Variants in PTPRB observed in about 807,000 individuals in gnomAD.
PTPRB encodes the protein protein tyrosine phosphatase receptor type B.
A neutral mutation model predicts 238.1 loss-of-function variants in PTPRB; 97 were observed. That is an observed-to-expected ratio of 0.41 (90% CI 0.35 to 0.48). PTPRB has a LOEUF of 0.48. Ranked by LOEUF, PTPRB falls within the 20% of genes least tolerant of loss-of-function variation. PTPRB has a pLI of 0.30. For missense variants in PTPRB, 2,292 were observed against 2,681.9 expected (o/e 0.85, Z 3.21); for synonymous variants, 970 against 995.4 (o/e 0.97, Z 0.48).
intron 5 of PTPRB, 138 bp from the exon 6 acceptor site, chr12:70,594,862 GA>G: frequency 8.6e-7 from 1 of 1,157,656 alleles, no homozygotes; most frequent in Non-Finnish European, 1.2e-6. Context: ...TAAATAACAG[GA>G]TTCTGGAAAT....
chr12:70,537,646 A>G (rs1374598583), intron 28 of PTPRB, among the ~76,000 whole-genome samples: 1 of 152,220 alleles, frequency 6.6e-6, no homozygotes, highest in African/African-American at 2.4e-5. Flanking sequence ...AATGTGCCCA[A>G]GGTCACAGAA....
At chr12:70,526,951 C>T (rs867064953) in intron 32 of PTPRB, among the ~76,000 whole-genome samples, 1 of 152,274 alleles carries the variant, frequency 6.6e-6, no homozygotes, top group Middle Eastern at 3.4e-3. Flanking sequence ...CCCAATAGAA[C>T]GTCCCTTTGA....
At position 70,540,887 on chromosome 12, in the gene PTPRB, A is replaced by T. The variant is rs776824669; in HGVS notation, c.5565T>A (p.Val1855=). 6.2e-7 allele frequency: 1 copy of T among 1,605,214 alleles called. No homozygotes were observed. The highest frequency in any genetic ancestry group is 1.3e-5 in the African/African-American group (1 of 74,828). Residue 1855 remains valine, a synonymous_variant, in exon 23 of 34, where the codon GTT becomes GTA. Coordinates refer to ENST00000334414, the MANE Select transcript of PTPRB (RefSeq NM_001109754.4). The part of the protein sequence containing the change: ...LFLIGMLVAV[V]ALLICRQKVS... ...CTTTCTGTCTGCAGATCAATAAGGC[A>T]ACAACAGCCACTAGCATGCCAATTA...
At chr12:70,532,192 G>A (rs773438848) in intron 31 of PTPRB, 22 bp from the exon 32 acceptor site, 5 of 1,544,006 alleles carry the variant, frequency 3.2e-6, no homozygotes, top group South Asian at 2.5e-5. Context: ...GGCAAAGGAA[G>A]ATTGAGCCTT....
intron 2 of PTPRB, among the ~76,000 whole-genome samples, chr12:70,631,593 C>G (rs924610857): frequency 1.3e-5 from 2 of 152,088 alleles, no homozygotes; most frequent in African/African-American, 4.8e-5. Flanking sequence ...TCTAATTAAA[C>G]TAAAGAGCTT....
Position 70,538,140 on chromosome 12 carries a change from T to C in PTPRB, c.5946+15A>G. 6.2e-7 allele frequency: 1 copy of C among 1,607,526 alleles called. No individual in the cohort carries two copies. The highest frequency in any genetic ancestry group is 1.1e-5 in the South Asian group (1 of 90,474). On this transcript the variant is annotated intron_variant, in intron 28 of 33. Transcript: ENST00000334414. ...AAGCCTCATCCTGAACACTATGGCC[T>C]AGTGGGTCACTTACAGGGATGTAGC...
chr12:70,525,931 GAT>G, intron 32 of PTPRB, among the ~76,000 whole-genome samples: 1 of 149,586 alleles, frequency 6.7e-6, no homozygotes, highest in Non-Finnish European at 1.5e-5. Context: ...GATATAGATT[GAT>G]GTCAGACAGA....
intron 2 of PTPRB, among the ~76,000 whole-genome samples, chr12:70,632,336 A>G (rs1262473727): frequency 3.3e-5 from 5 of 151,992 alleles, no homozygotes; most frequent in African/African-American, 9.7e-5. Context: ...AGGACAGAAA[A>G]CCAAACACCG....
chr12:70,571,528 T>C (rs1269205578), intron 12 of PTPRB: 12 of 586,790 alleles, frequency 2.0e-5, no homozygotes, highest in Non-Finnish European at 3.2e-5. Flanking sequence ...AAATGAGTTA[T>C]GATCTCAATC....
chr12:70,534,401 A>G (rs1592405486), intron 31 of PTPRB, 87 bp downstream of exon 31: 1 of 1,463,702 alleles, frequency 6.8e-7, no homozygotes, highest in Admixed American at 2.1e-5. Flanking sequence ...CCACCCACCA[A>G]ATTCCCCATG....
chr12:70,607,025 G>T (rs59401904), intron 4 of PTPRB, among the ~76,000 whole-genome samples: 3,572 of 152,250 alleles, frequency 0.023, 122 homozygotes, highest in African/African-American at 0.066. Flanking sequence ...GCACATTGTG[G>T]ATGCTGATGA....
rs1441577023 is a variant in PTPRB at position 70,555,938 on chromosome 12, G to A, written c.4925C>T (p.Ser1642Phe). 2 of 1,613,890 alleles carry A rather than the reference G, an allele frequency of 1.2e-6. No homozygotes were observed. Among genetic ancestry groups the A allele is most frequent in the Non-Finnish European group, 1.7e-6 (2 of 1,179,894 alleles). ...CATGCCGGCCGACTGCACTTTGATG[G>A]ACACCAGGTACCTCTTATGGGGCAC... is the stretch of plus-strand genomic sequence containing the variant. The part of the protein sequence containing the change: ...MLVPHKRYLV[S>F]IKVQSAGMTS... The change falls in exon 19 of 34, where the codon TCC becomes TTC. Residue 1642 changes from serine to phenylalanine, a missense_variant. By Grantham distance (155) the Ser-to-Phe change is radical. Transcript: ENST00000334414.
chr12:70,552,630 G>A (rs1277696944), intron 21 of PTPRB, 147 bp downstream of exon 21: 18 of 1,060,852 alleles, frequency 1.7e-5, no homozygotes, highest in Non-Finnish European at 1.7e-5. Flanking sequence ...GGAATCCAAC[G>A]TTTATAAATT....
At chr12:70,622,118 AC>A (rs1261157517) in intron 3 of PTPRB, among the ~76,000 whole-genome samples, 3 of 152,186 alleles carry the variant, frequency 2.0e-5, no homozygotes, top group Non-Finnish European at 4.4e-5. Context: ...AACACCATGA[AC>A]CCTGACTTTG....
intron 9 of PTPRB, among the ~76,000 whole-genome samples, 192 bp downstream of exon 9, chr12:70,586,815 G>A (rs1881963096): frequency 6.6e-6 from 1 of 152,026 alleles, no homozygotes. Context: ...CTAAATCCAA[G>A]CAAAGTAAAA....
chr12:70,624,514 C>T (rs1048083874), intron 2 of PTPRB, among the ~76,000 whole-genome samples: 3 of 152,132 alleles, frequency 2.0e-5, no homozygotes, highest in Non-Finnish European at 4.4e-5. Flanking sequence ...ATACTATTAG[C>T]GAGATTCCTT....
intron 5 of PTPRB, among the ~76,000 whole-genome samples, chr12:70,595,305 A>C (rs1438358975): frequency 6.6e-6 from 1 of 152,054 alleles, no homozygotes; most frequent in Non-Finnish European, 1.5e-5. Context: ...TTGGGGGGTG[A>C]GGGGGATAAG....
Position 70,555,195 on chromosome 12 carries a change from A to C in PTPRB, c.5108T>G (p.Val1703Gly). Residue 1703 changes from valine (V) to glycine (G), a missense_variant, in exon 20 of 34, where the codon GTG (valine) becomes GGG (glycine). Transcript: ENST00000334414. ...CSWFSDTNGA[V>G]KYFTVVVREA... ...TCTCACCACCACTGTGAAGTATTTCACAGCTCCATTGGTGTCGCTGAACCA... is the reference window on the plus strand; with the variant it reads ...TCTCACCACCACTGTGAAGTATTTCCCAGCTCCATTGGTGTCGCTGAACCA... 1.9e-6 allele frequency: 3 copies of C among 1,613,918 alleles called. No individual in the cohort carries two copies. The highest frequency in any genetic ancestry group is 2.5e-6 in the Non-Finnish European group (3 of 1,179,844).
intron 2 of PTPRB, among the ~76,000 whole-genome samples, chr12:70,634,403 G>A (rs1465199990): frequency 1.3e-5 from 2 of 152,144 alleles, no homozygotes; most frequent in Non-Finnish European, 2.9e-5. Flanking sequence ...GGAGGTGGTT[G>A]TAGAGGAAAA....
Sources: allele counts gnomAD v4.1 joint callset (sites outside exome capture counted in the v4.1 genomes callset), GRCh38; gene constraint gnomAD v4.1.1; transcripts MANE v1.5; gene names NCBI Gene and HGNC (gene_info 2026-07-23, HGNC 2026-07-21).